HIP1: variants seen among roughly 807,000 people sequenced by gnomAD.
HIP1 encodes huntingtin interacting protein 1.
Under a neutral mutation model 147.6 loss-of-function variants are expected in HIP1, and 65 were observed. That is an observed-to-expected ratio of 0.44 (90% CI 0.36 to 0.54). HIP1 has a LOEUF of 0.54. Ranked by LOEUF, HIP1 falls within the 20% of genes least tolerant of loss-of-function variation. The probability of loss-of-function intolerance (pLI) is 0.00; values close to 1 mark genes in which losing one functional copy is unlikely to be tolerated. For missense variants in HIP1, 1,061 were observed against 1,299.6 expected (o/e 0.82, Z 2.82); for synonymous variants, 479 against 504.0 (o/e 0.95, Z 0.67).
At chr7:75,668,516 G>C (rs548221071) in intron 1 of HIP1, among the ~76,000 whole-genome samples, 120 of 152,166 alleles carry the variant, frequency 7.9e-4, no homozygotes, top group African/African-American at 2.8e-3. Flanking sequence ...GTAGAGACAG[G>C]GTTTCACCAT....
chr7:75,628,426 T>C (rs1314445416), intron 1 of HIP1, among the ~76,000 whole-genome samples: 1 of 152,082 alleles, frequency 6.6e-6, no homozygotes, highest in African/African-American at 2.4e-5. Context: ...AATCACACTA[T>C]TGTGATTATT....
intron 23 of HIP1, among the ~76,000 whole-genome samples, chr7:75,548,650 TATC>T (rs1460058989): frequency 1.3e-5 from 2 of 151,908 alleles, no homozygotes; most frequent in Admixed American, 1.3e-4. Flanking sequence ...CTAATTATTT[TATC>T]TTTTGTAGAG....
At chr7:75,580,454 G>A (rs112238968) in intron 7 of HIP1, among the ~76,000 whole-genome samples, 2,234 of 152,148 alleles carry the variant, frequency 0.015, 19 homozygotes, top group Non-Finnish European at 0.021. Context: ...AAATATCTAG[G>A]AGGCCAGGTG....
At chr7:75,670,802 G>GTTT (rs782146207) in intron 1 of HIP1, among the ~76,000 whole-genome samples, 1 of 131,454 alleles carries the variant, frequency 7.6e-6, no homozygotes, top group African/African-American at 2.9e-5. Context: ...TTTTTTTTTT[G>GTTT]GTAGAGATAG....
rs1488591642 is a variant in HIP1, at chr7:75,535,779, T to G, written c.*2393A>C. 1 of 171,146 alleles carries G rather than the reference T, an allele frequency of 5.8e-6. No homozygotes were observed. The highest frequency in any genetic ancestry group is 1.3e-5 in the Non-Finnish European group (1 of 78,960). 10.6% of individuals were successfully genotyped at this position (171,146 alleles called of 1,614,324 possible). ...CAGGCTGGAGTACAATGGCGTGATCTCAGCTCACTGCAACCTCTGCCTCTG... is the reference window on the plus strand; with the variant it reads ...CAGGCTGGAGTACAATGGCGTGATCGCAGCTCACTGCAACCTCTGCCTCTG... On this transcript the variant is annotated 3_prime_UTR_variant, in exon 31 of 31. Coordinates refer to ENST00000336926, the MANE Select transcript of HIP1 (RefSeq NM_005338.7).
intron 6 of HIP1, 72 bp from the exon 7 acceptor site, chr7:75,581,370 G>A: frequency 1.1e-5 from 12 of 1,069,666 alleles, no homozygotes; most frequent in Non-Finnish European, 1.6e-5. Flanking sequence ...CCTCCCCCAC[G>A]CTCTACGCTA....
At chr7:75,614,973 A>C (rs1186786396) in intron 1 of HIP1, among the ~76,000 whole-genome samples, 2 of 151,850 alleles carry the variant, frequency 1.3e-5, no homozygotes, top group African/African-American at 2.4e-5. Flanking sequence ...GGGTTTCACC[A>C]TGTTGGCCTG....
chr7:75,717,957 G>A lies in HIP1; in HGVS notation c.120+20844C>T, dbSNP rs538175075. Among the ~76,000 whole-genome samples the A allele has an allele frequency of 2.2e-3, 324 of 149,850 alleles. 2 individuals carry two copies. Among genetic ancestry groups the A allele is most frequent in the African/African-American group, 7.6e-3 (309 of 40,680 alleles). ...TGCATTCCAGCCTGGGTGACAGAGC[G>A]AAACTCTGTCTCAAAAAAGAAAAAA... On this transcript the variant is annotated intron_variant, in intron 1 of 30. Transcript: ENST00000336926.
intron 1 of HIP1, among the ~76,000 whole-genome samples, chr7:75,661,611 G>C (rs1171543958): frequency 6.7e-6 from 1 of 149,008 alleles, no homozygotes; most frequent in African/African-American, 2.5e-5. Flanking sequence ...ACAACAAGTA[G>C]AAGATAAGGG....
rs182670013 is a variant in HIP1, at chr7:75,589,105, G to A, written c.385-2272C>T. ...GTGGAGGTTGCAGTGAGCAGAGATC[G>A]TGCCATTGCCCTCCAGCCTGGGCAA... On this transcript the variant is annotated intron_variant, in intron 4 of 30. Coordinates refer to ENST00000336926, the MANE Select transcript of HIP1 (RefSeq NM_005338.7). Among the ~76,000 whole-genome samples, 5 of 150,792 alleles carry A rather than the reference G, an allele frequency of 3.3e-5. No homozygotes were observed. In the East Asian group the frequency reaches 5.9e-4, roughly 18 times the overall value.
chr7:75,670,822 A>G (rs1184257522), intron 1 of HIP1, among the ~76,000 whole-genome samples: 1 of 114,500 alleles, frequency 8.7e-6, no homozygotes, highest in Non-Finnish European at 1.7e-5. Flanking sequence ...GGGTCTTGCT[A>G]TGTATCCCAG....
At chr7:75,613,602 G>T (rs1554505448) in intron 1 of HIP1, among the ~76,000 whole-genome samples, 1 of 152,110 alleles carries the variant, frequency 6.6e-6, no homozygotes, top group African/African-American at 2.4e-5. Flanking sequence ...CAAGCTACTT[G>T]CAAGTAGTAC....
intron 1 of HIP1, among the ~76,000 whole-genome samples, chr7:75,629,604 G>A (rs1798147133): frequency 6.6e-6 from 1 of 150,778 alleles, no homozygotes; most frequent in South Asian, 2.1e-4. Flanking sequence ...GTGCAGTGCT[G>A]CAATCTTGGC....
chr7:75,603,709 C>T (rs1797101939), intron 1 of HIP1, among the ~76,000 whole-genome samples: 1 of 151,124 alleles, frequency 6.6e-6, no homozygotes, highest in African/African-American at 2.4e-5. Flanking sequence ...CCTGTCTCTA[C>T]AAAAAATACA....
intron 1 of HIP1, among the ~76,000 whole-genome samples, chr7:75,648,244 C>G (rs1554511383): frequency 6.6e-6 from 1 of 151,870 alleles, no homozygotes; most frequent in African/African-American, 2.4e-5. Flanking sequence ...GTTGGAGTAG[C>G]TGAAGCTGGT....
intron 1 of HIP1, among the ~76,000 whole-genome samples, chr7:75,719,585 T>C (rs1801439011): frequency 6.6e-6 from 1 of 152,162 alleles, no homozygotes. Flanking sequence ...TGAGGACTTT[T>C]CATGCTTTCT....
chr7:75,696,058 C>T (rs574340039), intron 1 of HIP1, among the ~76,000 whole-genome samples: 3 of 152,256 alleles, frequency 2.0e-5, no homozygotes, highest in South Asian at 4.2e-4. Flanking sequence ...GTGATCATGG[C>T]TCACTGCAGT....
chr7:75,734,476 T>C (rs1197770866), intron 1 of HIP1, among the ~76,000 whole-genome samples: 1 of 151,978 alleles, frequency 6.6e-6, no homozygotes, highest in Non-Finnish European at 1.5e-5. Context: ...ATTATTAATA[T>C]ATCCTGTGGC....
At chr7:75,717,976 GAA>G (rs533404976) in intron 1 of HIP1, among the ~76,000 whole-genome samples, 2 of 129,318 alleles carry the variant, frequency 1.5e-5, no homozygotes. Context: ...TCTCAAAAAA[GAA>G]AAAAAAAAAA....
Sources: gnomAD v4.1 joint callset for allele counts (sites outside exome capture counted in the v4.1 genomes callset) on GRCh38, gnomAD v4.1.1 for gene constraint, MANE v1.5 for transcripts, NCBI Gene and HGNC (gene_info 2026-07-23, HGNC 2026-07-21) for gene names.